Variants in MEF2A observed in about 807,000 individuals in gnomAD.
The protein encoded by MEF2A is myocyte-specific enhancer factor 2A.
Under a neutral mutation model 55.8 loss-of-function variants are expected in MEF2A, and 28 were observed. The ratio of observed to expected loss-of-function variants is 0.50; its 90% CI spans 0.37 to 0.69. MEF2A has a LOEUF of 0.69. Among genes scored for constraint, MEF2A ranks in the 30% least tolerant of loss-of-function variants. The pLI, the probability that MEF2A is intolerant of heterozygous loss-of-function variation, is 0.00. For synonymous variants in MEF2A, 239 were observed against 227.1 expected (o/e 1.05, Z -0.47); for missense variants, 528 against 626.2 (o/e 0.84, Z 1.67).
intron 2 of MEF2A, among the ~76,000 whole-genome samples, chr15:99,617,943 A>G (rs2040482971): frequency 6.6e-6 from 1 of 152,176 alleles, no homozygotes; most frequent in African/African-American, 2.4e-5. Context: ...TAGATACCTA[A>G]CAGTGTTTAT....
intron 3 of MEF2A, among the ~76,000 whole-genome samples, chr15:99,642,920 T>C (rs1331837689): frequency 6.6e-6 from 1 of 152,202 alleles, no homozygotes; most frequent in East Asian, 1.9e-4. Context: ...AGTCTCTTTT[T>C]TAGTATTATG....
intron 10 of MEF2A, 70 bp downstream of exon 10, chr15:99,706,925 AT>A (rs915147148): frequency 6.3e-5 from 94 of 1,495,488 alleles, no homozygotes; most frequent in East Asian, 2.1e-4. Flanking sequence ...TGCTTCTGTG[AT>A]TTTTTTTAAG....
intron 1 of MEF2A, among the ~76,000 whole-genome samples, chr15:99,595,313 G>A (rs1242489478): frequency 6.6e-6 from 1 of 152,072 alleles, no homozygotes; most frequent in Non-Finnish European, 1.5e-5. Flanking sequence ...GCTTTCCCTG[G>A]ATGCATTGTC....
At chr15:99,641,564 A>G (rs2044948075) in intron 3 of MEF2A, among the ~76,000 whole-genome samples, 1 of 152,282 alleles carries the variant, frequency 6.6e-6, no homozygotes, top group Non-Finnish European at 1.5e-5. Context: ...CTACTAAAAA[A>G]TACAAAAAAT....
intron 2 of MEF2A, among the ~76,000 whole-genome samples, chr15:99,627,419 C>CAA (rs139658538): frequency 0.013 from 580 of 43,072 alleles, 96 homozygotes; most frequent in African/African-American, 0.037. Context: ...GACTTTATCT[C>CAA]AAAAAAAAAA....
chr15:99,685,067 C>G (rs1296671900), intron 7 of MEF2A, among the ~76,000 whole-genome samples: 1 of 152,120 alleles, frequency 6.6e-6, no homozygotes, highest in Non-Finnish European at 1.5e-5. Context: ...GTATTTATGC[C>G]AGTACCTTGC....
intron 2 of MEF2A, among the ~76,000 whole-genome samples, chr15:99,607,921 C>T (rs184363727): frequency 3.9e-5 from 6 of 152,262 alleles, no homozygotes; most frequent in Non-Finnish European, 4.4e-5. Context: ...GTGATTATAT[C>T]ATCAGTTCTT....
At chr15:99,609,773 G>A (rs942600705) in intron 2 of MEF2A, among the ~76,000 whole-genome samples, 1 of 152,146 alleles carries the variant, frequency 6.6e-6, no homozygotes, top group East Asian at 1.9e-4. Context: ...ATCTGCCATT[G>A]TGTTACAAAT....
chr15:99,632,239 T>C (rs1277144321), intron 2 of MEF2A, among the ~76,000 whole-genome samples: 1 of 152,186 alleles, frequency 6.6e-6, no homozygotes, highest in Non-Finnish European at 1.5e-5. Context: ...GGGAAATTGA[T>C]TTTCACTTCA....
chr15:99,565,536 C>T (rs1383178207), upstream of MEF2A: 1 of 151,118 alleles, frequency 6.6e-6, no homozygotes, highest in Non-Finnish European at 1.5e-5. Flanking sequence ...CGCCGGGCCG[C>T]CCCGCCCTGG....
chr15:99,712,297 G>T lies in MEF2A; in HGVS notation c.1137-93G>T. 6.9e-7 allele frequency: 1 copy of T among 1,440,084 alleles called. No individual in the cohort carries two copies. The highest frequency in any genetic ancestry group is 9.1e-7 in the Non-Finnish European group (1 of 1,098,462). The allele number at this position is 1,440,084 out of a possible 1,614,324, so 89.2% of individuals were successfully genotyped here. A position where few individuals can be genotyped will look rare whatever the true frequency, so the allele number is the denominator to read the frequency against. On this transcript the variant is annotated intron_variant, in intron 11 of 11. Transcript: ENST00000557942. This position sits in a 1 kb window ranked among gnomAD's most constrained non-coding sequence, Gnocchi z 4.1. Reference sequence around the variant, plus strand: ...ACTCTGATAAGATTTCAGACTCTGGGCCCTTTTCCATCAGGCAGTGTCTCT... The same window carrying T: ...ACTCTGATAAGATTTCAGACTCTGGTCCCTTTTCCATCAGGCAGTGTCTCT...
rs1211952976 is a variant in MEF2A, at chr15:99,712,486, T to A, written c.1233T>A (p.Arg411=). Residue 411 remains arginine, a synonymous_variant, in exon 12 of 12, where the codon CGT becomes CGA. Coordinates refer to ENST00000557942, the MANE Select transcript of MEF2A (RefSeq NM_001319206.4). The surrounding 1 kb of genome is among the most constrained non-coding windows in gnomAD (Gnocchi z 4.1). ...KSEPISPPRD[R]MTPSGFQQQQ... Reference sequence around the variant, plus strand: ...AACCGATTTCACCTCCTCGGGATCGTATGACCCCATCGGGCTTCCAGCAGC... The same window carrying A: ...AACCGATTTCACCTCCTCGGGATCGAATGACCCCATCGGGCTTCCAGCAGC... The A allele has an allele frequency of 6.4e-7, 1 of 1,551,220 alleles. No homozygotes were observed. Among genetic ancestry groups the A allele is most frequent in the East Asian group, 2.4e-5 (1 of 40,886 alleles).
chr15:99,683,304 T>C (rs1334597393), intron 7 of MEF2A, among the ~76,000 whole-genome samples: 1 of 152,186 alleles, frequency 6.6e-6, no homozygotes, highest in Non-Finnish European at 1.5e-5. Context: ...ATCATACATA[T>C]GAATTAAAAC....
intron 3 of MEF2A, among the ~76,000 whole-genome samples, chr15:99,634,774 G>A (rs878946874): frequency 9.9e-5 from 15 of 152,190 alleles, no homozygotes; most frequent in African/African-American, 3.4e-4. Flanking sequence ...CTGTTCTTAC[G>A]TTGGACTTAG....
chr15:99,612,670 G>T (rs576781582), intron 2 of MEF2A, among the ~76,000 whole-genome samples: 1 of 152,066 alleles, frequency 6.6e-6, no homozygotes, highest in African/African-American at 2.4e-5. Context: ...GTGCTACTGC[G>T]TTCCAATCTG....
chr15:99,658,180 G>A (rs2048058360), intron 4 of MEF2A, among the ~76,000 whole-genome samples: 1 of 152,104 alleles, frequency 6.6e-6, no homozygotes, highest in Non-Finnish European at 1.5e-5. Flanking sequence ...CACTTTCTAT[G>A]TTTTAAGAAA....
chr15:99,581,710 A>C (rs1359716895), intron 1 of MEF2A, among the ~76,000 whole-genome samples: 2 of 152,068 alleles, frequency 1.3e-5, no homozygotes, highest in Non-Finnish European at 1.5e-5. Context: ...TGCTTCTAGG[A>C]GGTAATGGTT....
At chr15:99,651,315 A>G (rs1482937459) in intron 4 of MEF2A, among the ~76,000 whole-genome samples, 2 of 152,200 alleles carry the variant, frequency 1.3e-5, no homozygotes, top group Non-Finnish European at 2.9e-5. Context: ...TTGACCTTAC[A>G]AAAGTAGAAG....
At chr15:99,709,144 A>G (rs948689914) in intron 10 of MEF2A, among the ~76,000 whole-genome samples, 3 of 152,208 alleles carry the variant, frequency 2.0e-5, no homozygotes, top group African/African-American at 4.8e-5. Flanking sequence ...TGCTGATAGC[A>G]TAGACTAGAG....
Sources: gnomAD v4.1 joint callset for allele counts (sites outside exome capture counted in the v4.1 genomes callset) on GRCh38, gnomAD v4.1.1 for gene constraint, Gnocchi (gnomAD v3.1) non-coding constraint, MANE v1.5 for transcripts, NCBI Gene and HGNC (gene_info 2026-07-23, HGNC 2026-07-21) for gene names.